Variants in PSG11 observed in about 807,000 individuals in gnomAD.
PSG11 encodes the protein pregnancy specific beta-1-glycoprotein 11, also known as pregnancy-specific beta-1-glycoprotein 11.
A neutral mutation model predicts 36.0 loss-of-function variants in PSG11; 42 were observed. That is an observed-to-expected ratio of 1.17 (90% CI 0.91 to 1.51). PSG11 has a LOEUF of 1.51. Ranked by LOEUF, PSG11 falls within the 40% of genes most tolerant of loss-of-function variation. The pLI is 0.00. For missense variants in PSG11, 558 were observed against 403.5 expected (o/e 1.38, Z -3.28); for synonymous variants, 206 against 153.5 (o/e 1.34, Z -2.53).
intron 4 of PSG11, among the ~76,000 whole-genome samples, chr19:43,012,757 G>A (rs2122790367): frequency 6.6e-6 from 1 of 151,438 alleles, no homozygotes; most frequent in South Asian, 2.1e-4. Context: ...GAATCTCAGT[G>A]ACATTTTTGC....
intron 3 of PSG11, chr19:43,015,657 T>G: frequency 6.5e-7 from 1 of 1,533,234 alleles, no homozygotes; most frequent in Non-Finnish European, 8.8e-7. Context: ...CCACCTCGGA[T>G]GTCCAAAAGT....
rs375311954 is a variant in PSG11 at position 43,025,103 on chromosome 19, G to C, written c.65-47C>G. The C allele has an allele frequency of 4.6e-4, 730 of 1,575,428 alleles. 22 individuals carry two copies. The highest frequency in any genetic ancestry group is 5.7e-4 in the Non-Finnish European group (658 of 1,161,394). ...AGTCAATATTGAGACCTATGTATTG[G>C]GGTGAAAAGATGGGGCCCTGAGTCC... On this transcript the variant is annotated intron_variant, in intron 1 of 5. Coordinates refer to ENST00000320078, the MANE Select transcript of PSG11 (RefSeq NM_002785.3).
chr19:43,008,769 T>C (rs1354906391), intron 5 of PSG11, among the ~76,000 whole-genome samples: 4 of 151,318 alleles, frequency 2.6e-5, no homozygotes, highest in African/African-American at 9.7e-5. Context: ...CAAAAAGGTA[T>C]AGTCTTATGT....
chr19:43,011,188 A>G (rs183125557), intron 4 of PSG11, among the ~76,000 whole-genome samples: 30 of 151,294 alleles, frequency 2.0e-4, no homozygotes, highest in Admixed American at 9.9e-4. Flanking sequence ...GTTCCTCTGT[A>G]TGTGGCATCT....
intron 5 of PSG11, 199 bp from the exon 6 acceptor site, chr19:43,008,241 C>T (rs1973979366): frequency 5.2e-6 from 1 of 191,054 alleles, no homozygotes; most frequent in African/African-American, 2.3e-5. Context: ...TATTTGATTT[C>T]CAGAAATTTC....
intron 1 of PSG11, 135 bp downstream of exon 1, chr19:43,026,174 C>T: frequency 7.3e-7 from 1 of 1,368,840 alleles, no homozygotes; most frequent in Non-Finnish European, 1.0e-6. Flanking sequence ...AACTCCTGAT[C>T]TCGTGATCCA....
At chr19:43,015,450 A>G (rs1454730718) in intron 3 of PSG11, 80 bp from the exon 4 acceptor site, 1 of 1,493,668 alleles carries the variant, frequency 6.7e-7, no homozygotes, top group Admixed American at 1.9e-5. Flanking sequence ...GGACACAGTG[A>G]CCCTCTGAGC....
rs566126381 is a variant in PSG11 at position 43,023,973 on chromosome 19, C to G, written c.430+718G>C. Among the ~76,000 whole-genome samples the G allele has an allele frequency of 3.3e-5, 5 of 151,592 alleles. 1 individual carries two copies. Among genetic ancestry groups the G allele is most frequent in the East Asian group, 1.9e-4 (1 of 5,148 alleles). On this transcript the variant is annotated intron_variant, in intron 2 of 5. Transcript: ENST00000320078. ...CAGATCCCTGTGGACAAGCTGCTAC[C>G]AGGTACATCTTCTCTCTTCTGTTTC...
At chr19:43,025,942 T>C (rs1599684774) in intron 1 of PSG11, among the ~76,000 whole-genome samples, 2 of 121,820 alleles carry the variant, frequency 1.6e-5, no homozygotes, top group East Asian at 2.9e-4. Flanking sequence ...TTCTCTTTTT[T>C]TTTTTTTTTT....
At position 43,010,228 on chromosome 19, in the gene PSG11, C is replaced by G. The variant is rs1974039484; in HGVS notation, c.965-187G>C. On this transcript the variant is annotated intron_variant, in intron 4 of 5. Transcript: ENST00000320078. ...TTTTTTTCCCTCTCACCATGTTTCT[C>G]AGTTGGTGATCAGTCCTCTGTCAAT... 5.5e-6 allele frequency: 8 copies of G among 1,452,518 alleles called. No homozygotes were observed. The South Asian group carries it at 1.2e-4, about 22-fold the overall frequency. The allele number at this position is 1,452,518 out of a possible 1,614,324, so 90.0% of individuals were successfully genotyped here.
intron 2 of PSG11, among the ~76,000 whole-genome samples, chr19:43,021,966 C>G (rs1967111887): frequency 6.6e-6 from 1 of 151,344 alleles, no homozygotes; most frequent in South Asian, 2.1e-4. Flanking sequence ...GGCTGGCTGT[C>G]CTCACTCATT....
chr19:43,019,884 G>A (rs1180735405), intron 2 of PSG11, among the ~76,000 whole-genome samples: 2 of 151,470 alleles, frequency 1.3e-5, no homozygotes, highest in South Asian at 2.1e-4. Context: ...TGGTGGAAAG[G>A]GCAAACATGA....
At chr19:43,012,703 C>T (rs1599669491) in intron 4 of PSG11, among the ~76,000 whole-genome samples, 3 of 151,426 alleles carry the variant, frequency 2.0e-5, no homozygotes, top group East Asian at 3.9e-4. Flanking sequence ...GTTAGGAGGA[C>T]AGTGCTACCC....
chr19:43,010,694 C>T (rs111252442), intron 4 of PSG11: 7,113 of 182,054 alleles, frequency 0.039, 782 homozygotes, highest in African/African-American at 0.16. Context: ...CCTGTACTAC[C>T]TTCATGCCTG....
At position 43,018,844 on chromosome 19, in the gene PSG11, G is replaced by T. The variant is rs1452598987; in HGVS notation, c.635C>A (p.Ala212Glu). The T allele has an allele frequency of 6.2e-7, 1 of 1,612,150 alleles. No homozygotes were observed. Residue 212 changes from alanine (A) to glutamate (E), a missense_variant, in exon 3 of 6, where the codon GCA becomes GAA. Ala to Glu is a moderately radical substitution (Grantham distance 107, BLOSUM62 -1). Transcript: ENST00000320078. ...CCATATTTCACATTCATAGGGTCCT[G>T]CAGTATACTTTGTGACACCAAATAG... ...LFLFGVTKYT[A>E]GPYECEIWNS...
At position 43,015,688 on chromosome 19, in the gene PSG11, C is replaced by T. The variant is rs560676621; in HGVS notation, c.710-318G>A. 303 of 1,578,680 alleles carry T rather than the reference C, an allele frequency of 1.9e-4. 10 individuals carry two copies. The African/African-American group carries it at 3.1e-3, about 16-fold the overall frequency. ...AAAGTAAAGGTGTCTGTACTTGGAC[C>T]GGAGAGAGACTGAGAGGCCTGGCCC... On this transcript the variant is annotated intron_variant, in intron 3 of 5. Coordinates refer to ENST00000320078, the MANE Select transcript of PSG11 (RefSeq NM_002785.3).
chr19:43,026,435 G>C lies in PSG11; in HGVS notation c.-63C>G. 6.3e-7 allele frequency: 1 copy of C among 1,589,254 alleles called. No individual in the cohort carries two copies. The highest frequency in any genetic ancestry group is 8.6e-7 in the Non-Finnish European group (1 of 1,163,780). On this transcript the variant is annotated 5_prime_UTR_variant, in exon 1 of 6. Coordinates refer to ENST00000320078, the MANE Select transcript of PSG11 (RefSeq NM_002785.3). Reference sequence around the variant, plus strand: ...AGCCTAGGATCCAGAAGCTTCCAGAGCACGGCTGTCAGCTGTGCTGTCCTT... The same window carrying C: ...AGCCTAGGATCCAGAAGCTTCCAGACCACGGCTGTCAGCTGTGCTGTCCTT...
chr19:43,015,698 C>A (rs1016280385), intron 3 of PSG11: 2 of 1,588,726 alleles, frequency 1.3e-6, no homozygotes, highest in African/African-American at 2.7e-5. Flanking sequence ...CGGAGAGAGA[C>A]TGAGAGGCCT....
At chr19:43,016,504 C>T (rs935983044) in intron 3 of PSG11, among the ~76,000 whole-genome samples, 3 of 151,204 alleles carry the variant, frequency 2.0e-5, no homozygotes. Context: ...TGGGACTTCC[C>T]ATTGTCCTGA....
Sources: allele counts gnomAD v4.1 joint callset (sites outside exome capture counted in the v4.1 genomes callset), GRCh38; gene constraint gnomAD v4.1.1; transcripts MANE v1.5; gene names NCBI Gene and HGNC (gene_info 2026-07-23, HGNC 2026-07-21).